The following CLIC5 variants were observed in gnomAD, a reference collection of about 807,000 sequenced individuals.
CLIC5 encodes the protein CLIC family member 5, also known as chloride intracellular channel protein 5.
In CLIC5, 20 loss-of-function variants were observed where a neutral mutation model predicts 24.7. The observed-to-expected ratio is 0.81, with a 90% confidence interval of 0.57 to 1.18. The LOEUF is 1.18. Among genes scored for constraint, CLIC5 ranks in the 50% most tolerant of loss-of-function variants. The pLI, the probability that CLIC5 is intolerant of heterozygous loss-of-function variation, is 0.00. For synonymous variants in CLIC5, 159 were observed against 135.6 expected, an observed-to-expected ratio of 1.17 and a Z score of -1.20; for missense variants, 341 against 326.1, an observed-to-expected ratio of 1.05 and a Z score of -0.35.
intron 2 of CLIC5, 102 bp downstream of exon 2, chr6:45,955,033 G>A: frequency 1.4e-6 from 1 of 737,580 alleles, no homozygotes; most frequent in Non-Finnish European, 2.3e-6. Context: ...TGACGTGTGA[G>A]CAGGGGGCTG....
rs546785013 is a variant in CLIC5 at position 45,951,890 on chromosome 6, C to T, written c.174-2509G>A. Among the ~76,000 whole-genome samples, 56 of 150,120 alleles carry T rather than the reference C, an allele frequency of 3.7e-4. 1 individual carries two copies. The South Asian group carries it at 9.0e-3, about 24-fold the overall frequency. On this transcript the variant is annotated intron_variant, in intron 2 of 5. Coordinates refer to ENST00000339561, the MANE Select transcript of CLIC5 (RefSeq NM_016929.5). The stretch of plus-strand genomic sequence containing the variant: ...TGCTACTCCCATGTCCCTCCCCAAA[C>T]ACACACACTCTCCAGCTGCATTCTG...
chr6:45,994,557 A>C (rs1056838172), intron 1 of CLIC5, among the ~76,000 whole-genome samples: 2 of 152,184 alleles, frequency 1.3e-5, no homozygotes, highest in African/African-American at 4.8e-5. Flanking sequence ...ACCATGGCAC[A>C]TGTATACCTA....
intron 5 of CLIC5, chr6:45,912,529 A>G: frequency 4.4e-6 from 6 of 1,377,632 alleles, no homozygotes; most frequent in Non-Finnish European, 5.7e-6. Flanking sequence ...GAAGAAAGGA[A>G]AAGAAGGCAA....
the CLIC5 span, among the ~76,000 whole-genome samples, chr6:46,117,578 C>A: frequency 2.0e-5 from 3 of 152,156 alleles, no homozygotes; most frequent in Admixed American, 6.5e-5. Flanking sequence ...AAAAAGAATT[C>A]TTTTAATCAC....
chr6:45,991,959 T>C (rs1765957818), intron 1 of CLIC5, among the ~76,000 whole-genome samples: 3 of 152,196 alleles, frequency 2.0e-5, no homozygotes, highest in East Asian at 1.9e-4. Context: ...CCTAAAAGAC[T>C]TTAGGGGCAC....
rs757089924 is a variant in CLIC5 at position 45,903,138 on chromosome 6, C to T, written c.706G>A (p.Glu236Lys). ...ACATCAGCGTAGGCCAACTCGATCT[C>T]ACTGTCAGCTGCACAGGTGTTGGTG... The part of the protein sequence containing the change: ...EFTNTCAADS[E>K]IELAYADVAK... Residue 236 changes from glutamate (E) to lysine (K), a missense_variant, in exon 6 of 6, where the codon GAG (glutamate) becomes AAG (lysine). Physicochemically the swap from Glu to Lys is moderately conservative, Grantham distance 56 (BLOSUM62 1). Transcript: ENST00000339561. 39 of 1,614,100 alleles carry T rather than the reference C, an allele frequency of 2.4e-5. 1 individual carries two copies. The South Asian group carries it at 4.1e-4, about 17-fold the overall frequency.
chr6:45,961,731 G>A (rs1436248807), intron 1 of CLIC5, among the ~76,000 whole-genome samples: 3 of 151,944 alleles, frequency 2.0e-5, no homozygotes, highest in Non-Finnish European at 2.9e-5. Context: ...GGGACTTGGT[G>A]GTACGTGGTC....
intron 3 of CLIC5, among the ~76,000 whole-genome samples, chr6:45,944,683 A>G (rs1764234835): frequency 6.6e-6 from 1 of 152,178 alleles, no homozygotes; most frequent in South Asian, 2.1e-4. Flanking sequence ...AGCCACAGCC[A>G]ACCAAGACAC....
At chr6:45,922,823 A>AAGGGAGAGAG in intron 4 of CLIC5, among the ~76,000 whole-genome samples, 1 of 140,718 alleles carries the variant, frequency 7.1e-6, no homozygotes. Flanking sequence ...GAGAGAGAGA[A>AAGGGAGAGAG]AGAGAGAGAG....
intron 1 of CLIC5, among the ~76,000 whole-genome samples, chr6:46,028,978 C>G (rs566482997): frequency 2.0e-5 from 3 of 152,302 alleles, no homozygotes; most frequent in South Asian, 2.1e-4. Context: ...ATTCCTCCCC[C>G]ACCCCCACTA....
At chr6:46,045,347 G>C (rs1235827029) in intron 1 of CLIC5, among the ~76,000 whole-genome samples, 1 of 152,028 alleles carries the variant, frequency 6.6e-6, no homozygotes, top group Non-Finnish European at 1.5e-5. Flanking sequence ...AATAACCACC[G>C]AGTTATTATT....
chr6:45,948,452 C>T (rs1350431607), intron 3 of CLIC5, among the ~76,000 whole-genome samples: 1 of 152,218 alleles, frequency 6.6e-6, no homozygotes, highest in Non-Finnish European at 1.5e-5. Context: ...GACTCCCCAC[C>T]TCCTGTGCTT....
chr6:45,916,006 CA>C (rs1189616782), intron 4 of CLIC5, among the ~76,000 whole-genome samples: 15 of 152,304 alleles, frequency 9.8e-5, no homozygotes, highest in African/African-American at 3.4e-4. Context: ...CTTCTGGAGG[CA>C]AAGCCAAGAG....
intron 1 of CLIC5, among the ~76,000 whole-genome samples, chr6:46,069,572 G>A (rs1762533762): frequency 6.6e-6 from 1 of 151,318 alleles, no homozygotes; most frequent in Non-Finnish European, 1.5e-5. Context: ...GTAATAAATA[G>A]CCTGCCAAAA....
At chr6:46,033,726 G>T (rs1239958711) in intron 1 of CLIC5, among the ~76,000 whole-genome samples, 1 of 152,186 alleles carries the variant, frequency 6.6e-6, no homozygotes, top group Non-Finnish European at 1.5e-5. Flanking sequence ...TATTCATAGA[G>T]GAATTTATCT....
At chr6:46,025,667 G>T (rs939941685) in intron 1 of CLIC5, among the ~76,000 whole-genome samples, 2 of 152,182 alleles carry the variant, frequency 1.3e-5, no homozygotes, top group African/African-American at 4.8e-5. Flanking sequence ...ATGCTCCCAG[G>T]TAAAGAATGG....
chr6:45,903,103 G>A lies in CLIC5; in HGVS notation c.741C>T (p.Arg247=), dbSNP rs569204750. 6.2e-6 allele frequency: 10 copies of A among 1,614,194 alleles called. No homozygotes were observed. The highest frequency in any genetic ancestry group is 8.5e-6 in the Non-Finnish European group (10 of 1,180,022). Residue 247 remains arginine (R), a synonymous_variant, in exon 6 of 6, where the codon CGC becomes CGT. Transcript: ENST00000339561. ...IELAYADVAK[R]LSRS ...ATGGCTGTGCTCAGGATCGGCTGAGGCGTTTGGCGACATCAGCGTAGGCCA... is the reference window on the plus strand; with the variant it reads ...ATGGCTGTGCTCAGGATCGGCTGAGACGTTTGGCGACATCAGCGTAGGCCA...
At chr6:45,942,424 A>G (rs1294172706) in intron 3 of CLIC5, among the ~76,000 whole-genome samples, 1 of 152,220 alleles carries the variant, frequency 6.6e-6, no homozygotes, top group Non-Finnish European at 1.5e-5. Context: ...GTGGGAACCC[A>G]GGGCTTGGAC....
At chr6:45,910,040 A>AT (rs1396235740) in intron 5 of CLIC5, among the ~76,000 whole-genome samples, 1 of 152,164 alleles carries the variant, frequency 6.6e-6, no homozygotes, top group Non-Finnish European at 1.5e-5. Context: ...ATCTGGGAAC[A>AT]TTTTTTCCCC....
Sources: allele counts gnomAD v4.1 joint callset (sites outside exome capture counted in the v4.1 genomes callset), GRCh38; gene constraint gnomAD v4.1.1; transcripts MANE v1.5; gene names NCBI Gene and HGNC (gene_info 2026-07-23, HGNC 2026-07-21).